The following KLHL4 variants were observed in gnomAD, a reference collection of about 807,000 sequenced individuals.
The protein encoded by KLHL4 is kelch like family member 4.
Under a neutral mutation model 45.8 loss-of-function variants are expected in KLHL4, and 17 were observed. That is an observed-to-expected ratio of 0.37 (90% CI 0.25 to 0.56). The LOEUF is 0.56. Among genes scored for constraint, KLHL4 ranks in the 20% least tolerant of loss-of-function variants. KLHL4 has a pLI of 0.79. For missense variants in KLHL4, 544 were observed against 544.9 expected (o/e 1.00, Z 0.02); for synonymous variants, 224 against 189.9 (o/e 1.18, Z -1.47).
At chrX:87,611,490 C>A (rs779066778) in intron 1 of KLHL4, among the ~76,000 whole-genome samples, 48 of 110,783 alleles carry the variant, frequency 4.3e-4, no homozygotes, top group Non-Finnish European at 7.2e-4. Context: ...TTCCTATTAG[C>A]TAGTGACAAT....
At chrX:87,587,149 G>GAA (rs1921503720) in intron 1 of KLHL4, among the ~76,000 whole-genome samples, 1 of 18,690 alleles carries the variant, frequency 5.4e-5, no homozygotes, top group Non-Finnish European at 8.9e-5. Context: ...ATAAAATAAA[G>GAA]CAAAAAAAAA....
At chrX:87,532,989 C>G (rs1931333749) in intron 1 of KLHL4, among the ~76,000 whole-genome samples, 1 of 106,853 alleles carries the variant, frequency 9.4e-6, no homozygotes, top group African/African-American at 3.4e-5. Flanking sequence ...AAATGCAAAT[C>G]AAAACCACAA....
rs761204185 is a variant in KLHL4 at position 87,526,626 on chromosome X, A to G, written c.422+8311A>G. On this transcript the variant is annotated intron_variant, in intron 1 of 10. Transcript: ENST00000373119. ...TGAGGAATGGACACATTTTAATACAACTATGGGAAATAATTAATTATAGGA... is the reference window on the plus strand; with the variant it reads ...TGAGGAATGGACACATTTTAATACAGCTATGGGAAATAATTAATTATAGGA... Among the ~76,000 whole-genome samples the G allele has an allele frequency of 3.6e-5, 4 of 112,013 alleles. No homozygotes were observed. The East Asian group carries it at 1.1e-3, about 31-fold the overall frequency.
At chrX:87,631,859 A>G (rs904477265) in intron 6 of KLHL4, among the ~76,000 whole-genome samples, 1 of 112,812 alleles carries the variant, frequency 8.9e-6, no homozygotes, top group Non-Finnish European at 1.9e-5. Context: ...ACAGATGTGC[A>G]AACATTCAAT....
chrX:87,557,223 C>A (rs1168279346), intron 1 of KLHL4, among the ~76,000 whole-genome samples: 1 of 111,749 alleles, frequency 8.9e-6, no homozygotes, highest in Non-Finnish European at 1.9e-5. Context: ...AAAAGTCAGG[C>A]CTGAGCTTAT....
chrX:87,531,572 T>G (rs1431511952), intron 1 of KLHL4, among the ~76,000 whole-genome samples: 19 of 107,385 alleles, frequency 1.8e-4, no homozygotes, highest in African/African-American at 6.1e-4. Context: ...TGATTGTATA[T>G]CTAGAAAACC....
At position 87,592,915 on chromosome X, in the gene KLHL4, C is replaced by T. The variant is rs1921721182; in HGVS notation, c.423-20962C>T. On this transcript the variant is annotated intron_variant, in intron 1 of 10. Coordinates refer to ENST00000373119, the MANE Select transcript of KLHL4 (RefSeq NM_019117.5). The stretch of plus-strand genomic sequence containing the variant: ...CATTTGCTGTGCAAGAGCCTTTTAA[C>T]TTGATGGGATCCCACTTGCCTATTC... 2.7e-5 allele frequency among the ~76,000 whole-genome samples: 3 copies of T among 111,647 alleles called. No individual in the cohort carries two copies. In the Admixed American group the frequency reaches 2.9e-4, roughly 11 times the overall value.
At chrX:87,527,021 CTA>C (rs2147762736) in intron 1 of KLHL4, among the ~76,000 whole-genome samples, 1 of 111,837 alleles carries the variant, frequency 8.9e-6, no homozygotes, top group African/African-American at 3.2e-5. Context: ...TCAGTGAAAA[CTA>C]TAAAACTATG....
Position 87,667,124 on chromosome X carries a change from G to A in KLHL4, c.*590G>A. 6.6e-6 allele frequency: 5 copies of A among 752,364 alleles called. No homozygotes were observed. Among genetic ancestry groups the A allele is most frequent in the Non-Finnish European group, 7.8e-6 (5 of 638,017 alleles). 62.0% of individuals were successfully genotyped at this position (752,364 alleles called of 1,213,427 possible). ...ATGGCTCTTTGACAAAACTTGTTAT[G>A]TTGATCGCGGTATGTCAAAATTTTT... On this transcript the variant is annotated 3_prime_UTR_variant, in exon 11 of 11. Transcript: ENST00000373119.
intron 6 of KLHL4, among the ~76,000 whole-genome samples, chrX:87,627,854 T>C (rs750613570): frequency 8.9e-6 from 1 of 111,951 alleles, no homozygotes; most frequent in Non-Finnish European, 1.9e-5. Context: ...TTTTTTATTT[T>C]TTATTTTTGG....
intron 1 of KLHL4, among the ~76,000 whole-genome samples, chrX:87,581,429 A>G (rs1007510930): frequency 1.8e-5 from 2 of 112,404 alleles, no homozygotes; most frequent in Non-Finnish European, 3.8e-5. Flanking sequence ...GAGACGTCCC[A>G]ACCAGGGTCT....
intron 9 of KLHL4, among the ~76,000 whole-genome samples, chrX:87,637,813 G>A (rs1262467594): frequency 9.0e-6 from 1 of 111,384 alleles, no homozygotes; most frequent in Non-Finnish European, 1.9e-5. Flanking sequence ...ACCTGGCACA[G>A]TGGCAGTTGC....
chrX:87,549,462 C>A (rs141901272), intron 1 of KLHL4, among the ~76,000 whole-genome samples: 4,456 of 111,367 alleles, frequency 0.04, 220 homozygotes, highest in African/African-American at 0.14. Context: ...CCAAGAGCTG[C>A]AGAACACACA....
rs749389210 is a variant in KLHL4, at chrX:87,655,827, A to G, written c.1926-8937A>G. ...TTTTTATTATGGCAAGTATTGAACA[A>G]ATTTTGTATCCATGTTTATAACTTC... On this transcript the variant is annotated intron_variant, in intron 9 of 10. Transcript: ENST00000373119. 1.3e-4 allele frequency among the ~76,000 whole-genome samples: 14 copies of G among 111,879 alleles called. No homozygotes were observed. The South Asian group carries it at 5.2e-3, about 41-fold the overall frequency.
chrX:87,544,876 T>TA (rs1931640342), intron 1 of KLHL4, among the ~76,000 whole-genome samples: 1 of 111,464 alleles, frequency 9.0e-6, no homozygotes, highest in African/African-American at 3.3e-5. Context: ...AATAAATACC[T>TA]AACCCTTCAA....
intron 1 of KLHL4, among the ~76,000 whole-genome samples, chrX:87,585,613 C>A (rs2147797285): frequency 9.0e-6 from 1 of 110,582 alleles, no homozygotes; most frequent in South Asian, 3.7e-4. Context: ...AAAAAACATA[C>A]AATGGATACA....
intron 1 of KLHL4, among the ~76,000 whole-genome samples, chrX:87,589,598 C>G (rs1359242084): frequency 9.0e-6 from 1 of 111,427 alleles, no homozygotes; most frequent in Non-Finnish European, 1.9e-5. Context: ...TTTGTGGGTT[C>G]TAAAAATCAA....
Position 87,633,811 on chromosome X carries a change from A to T in KLHL4, c.1612A>T (p.Asn538Tyr), listed in dbSNP as rs750384406. The change falls in exon 8 of 11, where the codon AAT becomes TAT. Residue 538 changes from asparagine (N) to tyrosine (Y), a missense_variant. By Grantham distance (143) the Asn-to-Tyr change is moderately radical (BLOSUM62 -2). Transcript: ENST00000373119. ...VGGHDGWSYL[N>Y]TVERWDPEGR... is the part of the protein sequence containing the mutation. Reference sequence around the variant, plus strand: ...TGGTCATGATGGATGGAGCTATCTAAATACTGTAGAAAGATGGGACCCTGA... The same window carrying T: ...TGGTCATGATGGATGGAGCTATCTATATACTGTAGAAAGATGGGACCCTGA... 3.3e-6 allele frequency: 4 copies of T among 1,206,248 alleles called. No individual in the cohort carries two copies. In the South Asian group the frequency reaches 7.1e-5, roughly 21 times the overall value.
chrX:87,556,442 C>T (rs1472449145), intron 1 of KLHL4, among the ~76,000 whole-genome samples: 1 of 105,928 alleles, frequency 9.4e-6, no homozygotes, highest in Non-Finnish European at 1.9e-5. Flanking sequence ...AAACACTGCG[C>T]ATATTCTCAC....
Sources: allele counts gnomAD v4.1 joint callset (sites outside exome capture counted in the v4.1 genomes callset), GRCh38; gene constraint gnomAD v4.1.1; transcripts MANE v1.5; gene names NCBI Gene and HGNC (gene_info 2026-07-23, HGNC 2026-07-21).